The following STPG2 variants were observed in gnomAD, a reference collection of about 807,000 sequenced individuals.
STPG2 encodes the protein sperm tail PG-rich repeat containing 2.
In STPG2, 56 loss-of-function variants were observed where a neutral mutation model predicts 54.2. The ratio of observed to expected loss-of-function variants is 1.03; its 90% confidence interval spans 0.83 to 1.29. The LOEUF (loss-of-function observed/expected upper bound fraction) is 1.29. Ranked by LOEUF, STPG2 falls within the 50% of genes most tolerant of loss-of-function variation. The probability of loss-of-function intolerance (pLI) is 0.00; values close to 1 mark genes in which losing one functional copy is unlikely to be tolerated. For synonymous variants in STPG2, 200 were observed against 181.8 expected (o/e 1.10, Z -0.81); for missense variants, 596 against 544.9 (o/e 1.09, Z -0.93).
Position 98,098,460 on chromosome 4 carries a change from C to T in STPG2, c.612+7493G>A, listed in dbSNP as rs182801886. 6.6e-5 allele frequency among the ~76,000 whole-genome samples: 10 copies of T among 152,234 alleles called. No individual in the cohort carries two copies. In the East Asian group the frequency reaches 1.7e-3, roughly 26 times the overall value. On this transcript the variant is annotated intron_variant, in intron 5 of 10. Coordinates refer to ENST00000295268, the MANE Select transcript of STPG2 (RefSeq NM_174952.3). ...CTAGACCTCTCTCTCTTGCCTTACA[C>T]AAAAATCAAATCAAAATGGATTGAA...
chr4:97,453,189 C>A (rs1729422416), intron 4 of STPG2, among the ~76,000 whole-genome samples: 2 of 152,236 alleles, frequency 1.3e-5, no homozygotes, highest in African/African-American at 2.4e-5. Context: ...CTTCCGGGTG[C>A]CACTGCATGT....
intron 5 of STPG2, among the ~76,000 whole-genome samples, chr4:98,012,879 A>G (rs1258534674): frequency 2.0e-5 from 3 of 152,202 alleles, no homozygotes. Context: ...CTAAATATAC[A>G]AGCATGTCAT....
intron 4 of STPG2, among the ~76,000 whole-genome samples, chr4:97,444,333 G>A (rs1729164178): frequency 6.6e-6 from 1 of 152,150 alleles, no homozygotes; most frequent in Non-Finnish European, 1.5e-5. Context: ...GGGGCAGAAG[G>A]TAGGAAAATC....
intron 5 of STPG2, among the ~76,000 whole-genome samples, chr4:98,014,416 C>T (rs1735861414): frequency 6.6e-6 from 1 of 152,044 alleles, no homozygotes; most frequent in Non-Finnish European, 1.5e-5. Flanking sequence ...ATGGGTCATG[C>T]CAGCTGCCTA....
At chr4:97,655,267 T>C (rs564153903) in intron 10 of STPG2, among the ~76,000 whole-genome samples, 1 of 152,230 alleles carries the variant, frequency 6.6e-6, no homozygotes, top group South Asian at 2.1e-4. Flanking sequence ...CGTTTGTATA[T>C]ATTATCTGAT....
intron 5 of STPG2, among the ~76,000 whole-genome samples, chr4:98,102,452 T>A (rs1445004493): frequency 6.6e-6 from 1 of 152,202 alleles, no homozygotes; most frequent in Non-Finnish European, 1.5e-5. Flanking sequence ...TATCTGCCCC[T>A]TTACAGAAAA....
At chr4:97,556,224 A>G (rs1247337359), downstream of STPG2, among the ~76,000 whole-genome samples, 1 of 152,188 alleles carries the variant, frequency 6.6e-6, no homozygotes, top group African/African-American at 2.4e-5. Context: ...ATCTACTAAT[A>G]TATAAGCAAG....
intron 9 of STPG2, among the ~76,000 whole-genome samples, chr4:97,772,667 T>G (rs1425460635): frequency 6.6e-6 from 1 of 152,196 alleles, no homozygotes; most frequent in Non-Finnish European, 1.5e-5. Flanking sequence ...ATTTAGACCA[T>G]GAGTCCTACA....
intron 10 of STPG2, among the ~76,000 whole-genome samples, chr4:97,679,816 A>G (rs1255522823): frequency 6.6e-6 from 1 of 152,076 alleles, no homozygotes; most frequent in Non-Finnish European, 1.5e-5. Context: ...AGGTGTAAGG[A>G]AGGGATCCAG....
At chr4:97,581,982 G>A (rs941332315) in intron 10 of STPG2, among the ~76,000 whole-genome samples, 5 of 151,658 alleles carry the variant, frequency 3.3e-5, no homozygotes, top group South Asian at 2.1e-4. Context: ...ATTCTGTTCC[G>A]AGTTTATAAT....
chr4:97,698,668 T>C (rs1411163257), intron 10 of STPG2, among the ~76,000 whole-genome samples: 1 of 152,096 alleles, frequency 6.6e-6, no homozygotes, highest in Non-Finnish European at 1.5e-5. Context: ...ATCCTGGCTA[T>C]GGGAGAAACA....
chr4:98,133,698 C>G (rs1217520245), intron 2 of STPG2, among the ~76,000 whole-genome samples: 2 of 151,968 alleles, frequency 1.3e-5, no homozygotes, highest in African/African-American at 4.8e-5. Flanking sequence ...TATGATCATA[C>G]AAATCAAACT....
intron 9 of STPG2, among the ~76,000 whole-genome samples, chr4:97,797,198 G>A (rs1259839165): frequency 1.3e-5 from 2 of 152,106 alleles, no homozygotes; most frequent in Non-Finnish European, 2.9e-5. Context: ...CTGCCTGATT[G>A]CCCTGGCCAG....
chr4:97,554,262 G>A (rs1732030461), downstream of STPG2, among the ~76,000 whole-genome samples: 1 of 152,130 alleles, frequency 6.6e-6, no homozygotes. Flanking sequence ...GCATCTACCA[G>A]TACAAATCAT....
chr4:97,616,057 A>ATATATATATAT (rs1733858264), intron 10 of STPG2, among the ~76,000 whole-genome samples: 2 of 37,394 alleles, frequency 5.3e-5, no homozygotes, highest in Admixed American at 5.3e-4. Context: ...AATACATATA[A>ATATATATATAT]ATATATATAT....
intron 5 of STPG2, among the ~76,000 whole-genome samples, chr4:98,035,061 C>T (rs2149302889): frequency 6.6e-6 from 1 of 152,228 alleles, no homozygotes; most frequent in Non-Finnish European, 1.5e-5. Context: ...GATTAAAACA[C>T]CAAAAGCAAT....
chr4:97,650,135 A>G (rs1722023679), intron 10 of STPG2, among the ~76,000 whole-genome samples: 1 of 152,104 alleles, frequency 6.6e-6, no homozygotes, highest in Non-Finnish European at 1.5e-5. Context: ...AGGAGGCAGA[A>G]CTCAGGCAGT....
At chr4:97,615,594 A>T (rs1394255422) in intron 10 of STPG2, among the ~76,000 whole-genome samples, 2 of 152,080 alleles carry the variant, frequency 1.3e-5, no homozygotes, top group African/African-American at 2.4e-5. Context: ...TAGTATTTTT[A>T]AAATCCCAAA....
intron 10 of STPG2, among the ~76,000 whole-genome samples, chr4:97,619,158 C>A (rs1560688335): frequency 6.6e-6 from 1 of 151,938 alleles, no homozygotes; most frequent in African/African-American, 2.4e-5. Flanking sequence ...GCTGTTTTTG[C>A]ATAAATGTCA....
Sources: gnomAD v4.1 joint callset for allele counts (sites outside exome capture counted in the v4.1 genomes callset) on GRCh38, gnomAD v4.1.1 for gene constraint, MANE v1.5 for transcripts, NCBI Gene and HGNC (gene_info 2026-07-23, HGNC 2026-07-21) for gene names.